TRAIP: variants seen among roughly 807,000 people sequenced by gnomAD.
TRAIP encodes the protein E3 ubiquitin-protein ligase TRAIP.
In TRAIP, 37 loss-of-function variants were observed where a neutral mutation model predicts 65.0. The ratio of observed to expected loss-of-function variants is 0.57; its 90% CI spans 0.44 to 0.75. The LOEUF (loss-of-function observed/expected upper bound fraction) is 0.75. TRAIP is among the 30% of genes least tolerant of loss of function. The pLI is 0.00. For synonymous variants in TRAIP, 187 were observed against 219.1 expected (o/e 0.85, Z 1.29); for missense variants, 481 against 579.4 (o/e 0.83, Z 1.74).
At chr3:49,840,237 G>T in intron 9 of TRAIP, 47 bp downstream of exon 9, 2 of 1,542,234 alleles carry the variant, frequency 1.3e-6, no homozygotes, top group Non-Finnish European at 1.8e-6. Context: ...CTCTGGGAGG[G>T]CACACAAACC....
Position 49,839,712 on chromosome 3 carries a change from G to A in TRAIP, c.884+60C>T. On this transcript the variant is annotated intron_variant, in intron 10 of 14. Coordinates refer to ENST00000331456, the MANE Select transcript of TRAIP (RefSeq NM_005879.3). ...CCCCACCAAAGCCAGGAGGAGTAAA[G>A]ACTGTTACCAGAAAGCTCTCCCACC... 4.1e-6 allele frequency: 6 copies of A among 1,480,852 alleles called. No homozygotes were observed. The South Asian group carries it at 5.7e-5, about 14-fold the overall frequency. 91.7% of individuals were successfully genotyped at this position (1,480,852 alleles called of 1,614,324 possible). A position where few individuals can be genotyped will look rare whatever the true frequency, so the allele number is the denominator to read the frequency against.
In TRAIP at chr3:49,847,451, G is replaced by A. The variant is rs1457297567; in HGVS notation, c.240+74C>T. The A allele has an allele frequency of 7.6e-6, 7 of 924,526 alleles. No homozygotes were observed. The African/African-American group carries it at 1.2e-4, about 16-fold the overall frequency. The allele number at this position is 924,526 out of a possible 1,614,324, so 57.3% of individuals were successfully genotyped here. A position where few individuals can be genotyped will look rare whatever the true frequency, so the allele number is the denominator to read the frequency against. ...AGAGAAGAGAAGAGAAGAGAAAAAA[G>A]AAAAGAAAAGAAAAAAGAAAAGTGA... On this transcript the variant is annotated intron_variant, in intron 3 of 14. Coordinates refer to ENST00000331456, the MANE Select transcript of TRAIP (RefSeq NM_005879.3).
At chr3:49,849,327 T>TA (rs1210400269) in intron 1 of TRAIP, among the ~76,000 whole-genome samples, 36 of 141,368 alleles carry the variant, frequency 2.5e-4, no homozygotes, top group Admixed American at 4.9e-4. Flanking sequence ...TTTTTTTAAT[T>TA]AAAAAAAAAA....
At chr3:49,832,142 A>G in intron 10 of TRAIP, 74 bp from the exon 11 acceptor site, 1 of 1,445,332 alleles carries the variant, frequency 6.9e-7, no homozygotes, top group Non-Finnish European at 9.1e-7. Flanking sequence ...AGCATCAGAG[A>G]TAACTCAGCT....
At chr3:49,835,938 CA>C (rs560923462) in intron 10 of TRAIP, among the ~76,000 whole-genome samples, 235 of 123,980 alleles carry the variant, frequency 1.9e-3, no homozygotes, top group Admixed American at 2.3e-3. Context: ...GACTCCATCT[CA>C]AAAAAAAAAA....
rs886797478 is a variant in TRAIP, at chr3:49,840,387, T to C, written c.706-14A>G. On this transcript the variant is annotated splice_polypyrimidine_tract_variant and intron_variant, in intron 8 of 14. Coordinates refer to ENST00000331456, the MANE Select transcript of TRAIP (RefSeq NM_005879.3). ...GACTGTCTGCAACTATAAGAAAGTG[T>C]AGGGAATGAAAGACAAGCCAAGTGG... 1.9e-6 allele frequency: 3 copies of C among 1,612,340 alleles called. No homozygotes were observed. The highest frequency in any genetic ancestry group is 2.5e-6 in the Non-Finnish European group (3 of 1,178,426).
At chr3:49,851,588 G>C (rs1672207847) in intron 1 of TRAIP, among the ~76,000 whole-genome samples, 1 of 151,530 alleles carries the variant, frequency 6.6e-6, no homozygotes, top group African/African-American at 2.4e-5. Context: ...GTAGAGATGG[G>C]GTGTCACTGT....
chr3:49,830,869 C>G (rs2081725744), intron 11 of TRAIP, among the ~76,000 whole-genome samples: 1 of 152,196 alleles, frequency 6.6e-6, no homozygotes, highest in Non-Finnish European at 1.5e-5. Flanking sequence ...ACATGACAAC[C>G]AAGGCTCCAG....
chr3:49,850,929 G>A (rs1004585917), intron 1 of TRAIP, among the ~76,000 whole-genome samples: 10 of 151,396 alleles, frequency 6.6e-5, no homozygotes, highest in Non-Finnish European at 1.5e-4. Context: ...TTACAGGCAT[G>A]AGCCACCATG....
intron 1 of TRAIP, among the ~76,000 whole-genome samples, chr3:49,850,764 C>T (rs1341208765): frequency 4.1e-5 from 6 of 145,756 alleles, no homozygotes; most frequent in African/African-American, 1.0e-4. Flanking sequence ...AAGCAATTCT[C>T]CTGCCTCAGC....
chr3:49,850,779 C>T (rs1225971006), intron 1 of TRAIP, among the ~76,000 whole-genome samples: 3 of 150,226 alleles, frequency 2.0e-5, no homozygotes, highest in Non-Finnish European at 3.0e-5. Context: ...CTCAGCCTCC[C>T]GAGTAGCTGG....
intron 5 of TRAIP, 136 bp from the exon 6 acceptor site, chr3:49,842,683 C>T (rs2108316545): frequency 5.2e-6 from 4 of 767,984 alleles, no homozygotes; most frequent in East Asian, 5.6e-5. Flanking sequence ...CTCCCAAACC[C>T]CAGGAGGTAA....
chr3:49,853,395 A>G (rs1275811633), intron 1 of TRAIP, among the ~76,000 whole-genome samples: 2 of 152,166 alleles, frequency 1.3e-5, no homozygotes, highest in African/African-American at 4.8e-5. Context: ...GCTTTAGGCC[A>G]GGAGTTTGAG....
chr3:49,835,559 A>G (rs767878635), intron 10 of TRAIP, among the ~76,000 whole-genome samples: 3 of 152,200 alleles, frequency 2.0e-5, no homozygotes, highest in Non-Finnish European at 2.9e-5. Flanking sequence ...AATGGTTACA[A>G]TGGTGAGTTT....
Position 49,843,924 on chromosome 3 carries a change from C to T in TRAIP, c.285G>A (p.Lys95=). 6.2e-7 allele frequency: 1 copy of T among 1,608,074 alleles called. No individual in the cohort carries two copies. Among genetic ancestry groups the T allele is most frequent in the Non-Finnish European group, 8.5e-7 (1 of 1,174,990 alleles). ...NVRAQLSQKD[K]EKRDSQVIID... is the part of the protein sequence containing the mutation. ...TGATGACCTGGCTGTCTCGTTTCTCCTTGTCTGGAGCAGGGGTAGAGGGCG... is the reference window on the plus strand; with the variant it reads ...TGATGACCTGGCTGTCTCGTTTCTCTTTGTCTGGAGCAGGGGTAGAGGGCG... Residue 95 remains lysine (K), a synonymous_variant, in exon 5 of 15, where the codon AAG becomes AAA. Transcript: ENST00000331456.
At chr3:49,843,540 C>A in intron 5 of TRAIP, 1 of 379,630 alleles carries the variant, frequency 2.6e-6, no homozygotes, top group Middle Eastern at 7.4e-4. Context: ...AGCATCCCCT[C>A]TGTGAGGTAC....
chr3:49,846,458 T>TA (rs2081883122), intron 3 of TRAIP, among the ~76,000 whole-genome samples: 1 of 152,072 alleles, frequency 6.6e-6, no homozygotes, highest in South Asian at 2.1e-4. Context: ...AATCTGTCAC[T>TA]AACTGTCCAA....
rs1164160317 is a variant in TRAIP at position 49,829,597 on chromosome 3, C to T, written c.1236+20G>A. 1.9e-6 allele frequency: 3 copies of T among 1,614,054 alleles called. No homozygotes were observed. Among genetic ancestry groups the T allele is most frequent in the Admixed American group, 1.7e-5 (1 of 60,002 alleles). On this transcript the variant is annotated intron_variant, in intron 13 of 14. Transcript: ENST00000331456. ...TACCCAAGAGGGCTGGCTCCTGCCA[C>T]TGTGGGAAGCCACACTCACCACATC...
At chr3:49,836,421 G>T (rs1244623991) in intron 10 of TRAIP, among the ~76,000 whole-genome samples, 9 of 152,100 alleles carry the variant, frequency 5.9e-5, no homozygotes, top group Non-Finnish European at 1.2e-4. Context: ...CAACCGGGAA[G>T]CGGAGGTTGC....
Sources: gnomAD v4.1 joint callset for allele counts (sites outside exome capture counted in the v4.1 genomes callset) on GRCh38, gnomAD v4.1.1 for gene constraint, MANE v1.5 for transcripts, NCBI Gene and HGNC (gene_info 2026-07-23, HGNC 2026-07-21) for gene names.